The following PRDX6 variants were observed in gnomAD, a reference collection of about 807,000 sequenced individuals.
The protein encoded by PRDX6 is peroxiredoxin-6.
Under a neutral mutation model 20.0 loss-of-function variants are expected in PRDX6, and 13 were observed. The observed-to-expected ratio is 0.65, with a 90% CI of 0.42 to 1.03. The LOEUF (loss-of-function observed/expected upper bound fraction) is 1.03. PRDX6 is among the 50% of genes least tolerant of loss of function. The probability of loss-of-function intolerance (pLI) is 0.00; values close to 1 mark genes in which losing one functional copy is unlikely to be tolerated. For missense variants in PRDX6, 203 were observed against 276.9 expected, an observed-to-expected ratio of 0.73 and a Z score of 1.89; for synonymous variants, 85 against 100.8, an observed-to-expected ratio of 0.84 and a Z score of 0.94.
Position 173,488,516 on chromosome 1 carries a change from A to C in PRDX6, c.*653A>C, listed in dbSNP as rs1658940748. The stretch of plus-strand genomic sequence containing the variant: ...GAAAGAGACCTTTAAATATTTTGCT[A>C]TAAAAAAATTTGTGATAAGTTTCTA... On this transcript the variant is annotated 3_prime_UTR_variant, in exon 5 of 5. Transcript: ENST00000340385. 6.6e-6 allele frequency: 1 copy of C among 152,152 alleles called. No individual in the cohort carries two copies. Among genetic ancestry groups the C allele is most frequent in the Admixed American group, 6.5e-5 (1 of 15,272 alleles). The allele number at this position is 152,152 out of a possible 1,614,324, so 9.4% of individuals were successfully genotyped here. A position where few individuals can be genotyped will look rare whatever the true frequency, so the allele number is the denominator to read the frequency against.
In PRDX6 at chr1:173,477,374, C is replaced by T. The variant is rs748871147; in HGVS notation, c.-24C>T. ...ACCAACCGGTTGCTTGCTGTCCCAG[C>T]GGCGCCCCCTCATCACCGTCGCCAT... On this transcript the variant is annotated 5_prime_UTR_variant, in exon 1 of 5. Transcript: ENST00000340385. 8 of 1,586,394 alleles carry T rather than the reference C, an allele frequency of 5.0e-6. No homozygotes were observed. The highest frequency in any genetic ancestry group is 6.9e-6 in the Non-Finnish European group (8 of 1,162,002).
At chr1:173,486,448 A>G in intron 4 of PRDX6, 47 bp downstream of exon 4, 1 of 1,566,892 alleles carries the variant, frequency 6.4e-7, no homozygotes, top group Non-Finnish European at 8.7e-7. Flanking sequence ...CTGAAGGGCC[A>G]GTCTCTAAAT....
intron 2 of PRDX6, among the ~76,000 whole-genome samples, chr1:173,484,059 C>T (rs1277404962): frequency 7.1e-6 from 1 of 141,456 alleles, no homozygotes; most frequent in Non-Finnish European, 1.5e-5. Flanking sequence ...GCCAAGGTTG[C>T]GGTGAGCCAA....
intron 2 of PRDX6, among the ~76,000 whole-genome samples, chr1:173,482,519 A>G (rs1658820979): frequency 6.6e-6 from 1 of 152,236 alleles, no homozygotes; most frequent in Admixed American, 6.5e-5. Flanking sequence ...ACCTACTTCT[A>G]GCAAAAGAAT....
In PRDX6 at chr1:173,484,116, CAAAAAAAA is replaced by C. The variant is rs1231778337; in HGVS notation, c.253-1231_253-1224del. Among the ~76,000 whole-genome samples, 3 of 50,452 alleles carry C rather than the reference CAAAAAAAA, an allele frequency of 5.9e-5. No individual in the cohort carries two copies. In the East Asian group the frequency reaches 1.7e-3, roughly 29 times the overall value. 33.1% of individuals were successfully genotyped at this position (50,452 alleles called of 152,430 possible). A position where few individuals can be genotyped will look rare whatever the true frequency, so the allele number is the denominator to read the frequency against. On this transcript the variant is annotated intron_variant, in intron 2 of 4. Coordinates refer to ENST00000340385, the MANE Select transcript of PRDX6 (RefSeq NM_004905.3). ...CCTGGGCGACAGCAAGACTCTGTCT[CAAAAAAAA>C]AAAAAAAAAAAAATTAGATATATAT...
Position 173,486,262 on chromosome 1 carries a change from T to G in PRDX6, c.407T>G (p.Val136Gly). Residue 136 changes from valine (V) to glycine (G), a missense_variant, in exon 4 of 5, where the codon GTT (valine) becomes GGT (glycine). Physicochemically the swap from Val to Gly is moderately radical, Grantham distance 109 (BLOSUM62 -3). Coordinates refer to ENST00000340385, the MANE Select transcript of PRDX6 (RefSeq NM_004905.3). ...GMPVTARVVF[V>G]FGPDKKLKLS... ...CCCCTCTGTGCTTTACAGGTGTTTG[T>G]TTTTGGTCCTGATAAGAAGCTGAAG... 1 of 1,601,144 alleles carries G rather than the reference T, an allele frequency of 6.2e-7. No individual in the cohort carries two copies. Among genetic ancestry groups the G allele is most frequent in the Non-Finnish European group, 8.5e-7 (1 of 1,175,118 alleles).
At chr1:173,481,659 A>C (rs1658803098) in intron 2 of PRDX6, 177 bp downstream of exon 2, 1 of 647,190 alleles carries the variant, frequency 1.5e-6, no homozygotes, top group Admixed American at 3.1e-5. Context: ...TGGTCAGTCA[A>C]TTCTCAGCCC....
At chr1:173,477,528 G>A in intron 1 of PRDX6, 36 bp downstream of exon 1, 3 of 1,534,662 alleles carry the variant, frequency 2.0e-6, no homozygotes, top group Non-Finnish European at 2.7e-6. Flanking sequence ...CCTGGCCTCG[G>A]TTGCGCCGGA....
rs1296478289 is a variant in PRDX6, at chr1:173,488,188, T to A, written c.*325T>A. ...TTTGTTGATGGTTGACAAAGCTTGC[T>A]TCACTCCATCAGAGAATGACTATCA... On this transcript the variant is annotated 3_prime_UTR_variant, in exon 5 of 5. Coordinates refer to ENST00000340385, the MANE Select transcript of PRDX6 (RefSeq NM_004905.3). 6.1e-5 allele frequency: 13 copies of A among 214,208 alleles called. No homozygotes were observed. The highest frequency in any genetic ancestry group is 1.2e-4 in the Non-Finnish European group (13 of 107,974). The allele number at this position is 214,208 out of a possible 1,614,324, so 13.3% of individuals were successfully genotyped here.
intron 1 of PRDX6, among the ~76,000 whole-genome samples, chr1:173,480,122 G>A (rs1658777274): frequency 1.3e-5 from 2 of 152,280 alleles, no homozygotes; most frequent in South Asian, 2.1e-4. Context: ...TCATAGTAAA[G>A]TGAACATAGT....
intron 4 of PRDX6, 125 bp from the exon 5 acceptor site, chr1:173,487,610 G>T: frequency 9.4e-7 from 1 of 1,063,964 alleles, no homozygotes. Flanking sequence ...CCTCACAGAG[G>T]GGAGAGTAAA....
In PRDX6 at chr1:173,486,290, G is replaced by C. The variant is rs746047709; in HGVS notation, c.435G>C (p.Leu145=). The change falls in exon 4 of 5, where the codon CTG becomes CTC. Residue 145 remains leucine, a synonymous_variant. Coordinates refer to ENST00000340385, the MANE Select transcript of PRDX6 (RefSeq NM_004905.3). ...TTGGTCCTGATAAGAAGCTGAAGCT[G>C]TCTATCCTCTACCCAGCTACCACTG... ...FVFGPDKKLK[L]SILYPATTGR... The C allele has an allele frequency of 6.2e-7, 1 of 1,611,756 alleles. No homozygotes were observed. The highest frequency in any genetic ancestry group is 8.5e-7 in the Non-Finnish European group (1 of 1,179,014).
intron 2 of PRDX6, chr1:173,481,887 C>T: frequency 5.3e-6 from 1 of 190,288 alleles, no homozygotes; most frequent in Non-Finnish European, 1.1e-5. Context: ...CATCCACTCA[C>T]CTTTAAATAC....
intron 3 of PRDX6, 138 bp from the exon 4 acceptor site, chr1:173,486,117 G>A (rs1658892659): frequency 1.6e-6 from 1 of 613,066 alleles, no homozygotes; most frequent in Non-Finnish European, 2.6e-6. Flanking sequence ...CACATTAGCA[G>A]TTGGTGTATC....
At chr1:173,481,983 C>G (rs1338873500) in intron 2 of PRDX6, 1 of 155,648 alleles carries the variant, frequency 6.4e-6, no homozygotes, top group Admixed American at 6.2e-5. Flanking sequence ...AGCATCTCTC[C>G]TGGGATGTCC....
At chr1:173,480,299 T>G (rs1336400227) in intron 1 of PRDX6, among the ~76,000 whole-genome samples, 1 of 152,226 alleles carries the variant, frequency 6.6e-6, no homozygotes, top group Non-Finnish European at 1.5e-5. Flanking sequence ...TTCTCTGTGC[T>G]CAGGGAAACT....
At chr1:173,481,602 T>C in intron 2 of PRDX6, 120 bp downstream of exon 2, 3 of 1,109,242 alleles carry the variant, frequency 2.7e-6, no homozygotes, top group Non-Finnish European at 3.9e-6. Flanking sequence ...CACTAATTAT[T>C]TGAAAATTTC....
At position 173,486,323 on chromosome 1, in the gene PRDX6, C is replaced by G. The variant is rs1002609319; in HGVS notation, c.468C>G (p.Asn156Lys). The change falls in exon 4 of 5, where the codon AAC becomes AAG. Residue 156 changes from asparagine (N) to lysine (K), a missense_variant. Physicochemically the swap from Asn to Lys is moderately conservative, Grantham distance 94. Coordinates refer to ENST00000340385, the MANE Select transcript of PRDX6 (RefSeq NM_004905.3). The part of the protein sequence containing the change: ...SILYPATTGR[N>K]FDEILRVVIS... ...TCTACCCAGCTACCACTGGCAGGAACTTTGATGAGATTCTCAGGGTAGTCA... is the reference window on the plus strand; with the variant it reads ...TCTACCCAGCTACCACTGGCAGGAAGTTTGATGAGATTCTCAGGGTAGTCA... 6.2e-7 allele frequency: 1 copy of G among 1,612,650 alleles called. No individual in the cohort carries two copies. Among genetic ancestry groups the G allele is most frequent in the East Asian group, 2.2e-5 (1 of 44,760 alleles).
intron 1 of PRDX6, among the ~76,000 whole-genome samples, chr1:173,478,368 G>C (rs768057102): frequency 6.6e-5 from 10 of 152,190 alleles, no homozygotes; most frequent in Non-Finnish European, 1.2e-4. Context: ...AGACTCTCTT[G>C]TTTTCCAGTG....
Sources: gnomAD v4.1 joint callset for allele counts (sites outside exome capture counted in the v4.1 genomes callset) on GRCh38, gnomAD v4.1.1 for gene constraint, MANE v1.5 for transcripts, NCBI Gene and HGNC (gene_info 2026-07-23, HGNC 2026-07-21) for gene names.